The following SLC9C1 variants were observed in gnomAD, a reference collection of about 807,000 sequenced individuals.
SLC9C1 encodes the protein solute carrier family 9 member C1, also known as sodium/hydrogen exchanger 10.
In SLC9C1, 97 loss-of-function variants were observed where a neutral mutation model predicts 140.9. That is an observed-to-expected ratio of 0.69 (90% CI 0.58 to 0.82). The LOEUF is 0.82. Among genes scored for constraint, SLC9C1 ranks in the 40% least tolerant of loss-of-function variants. The probability of loss-of-function intolerance (pLI) is 0.00; values close to 1 mark genes in which losing one functional copy is unlikely to be tolerated. For missense variants in SLC9C1, 1,340 were observed against 1,389.3 expected (o/e 0.96, Z 0.56); for synonymous variants, 440 against 442.6 (o/e 0.99, Z 0.07).
At chr3:112,228,200 G>C (rs866125490) in intron 13 of SLC9C1, among the ~76,000 whole-genome samples, 1 of 152,074 alleles carries the variant, frequency 6.6e-6, no homozygotes, top group Middle Eastern at 3.4e-3. Flanking sequence ...CATAAAAACA[G>C]GCACACAGAC....
At position 112,202,252 on chromosome 3, in the gene SLC9C1, G is replaced by A. The variant is rs2077924073; in HGVS notation, c.2320C>T (p.Gln774Ter). 2 of 1,609,042 alleles carry A rather than the reference G, an allele frequency of 1.2e-6. No individual in the cohort carries two copies. The highest frequency in any genetic ancestry group is 2.7e-5 in the African/African-American group (2 of 74,724). Residue 774 changes from glutamine (Q) to a stop codon, truncating the protein, a stop_gained and splice_region_variant, in exon 18 of 29, where the codon CAG (glutamine) becomes TAG (stop). Coordinates refer to ENST00000305815, the MANE Select transcript of SLC9C1 (RefSeq NM_183061.3). LOFTEE classifies it high-confidence loss of function. ...DQITSSKQIK[Q>*]MLLKQVIRNM... ...CTTAGGATTTAAGGTTTTCTTACCT[G>A]TTTAATCTGTTTAGAACTTGTAATC...
At chr3:112,228,506 G>A (rs1057432328) in intron 13 of SLC9C1, among the ~76,000 whole-genome samples, 1 of 151,900 alleles carries the variant, frequency 6.6e-6, no homozygotes, top group East Asian at 1.9e-4. Flanking sequence ...CAAAAGCACA[G>A]GAAACAAAAG....
chr3:112,282,042 A>G (rs13087080), intron 2 of SLC9C1, among the ~76,000 whole-genome samples: 44,466 of 152,090 alleles, frequency 0.29, 7,050 homozygotes, highest in East Asian at 0.46. Flanking sequence ...AGAAATGACA[A>G]CCAACACCAT....
rs538057801 is a variant in SLC9C1 at position 112,267,886 on chromosome 3, A to C, written c.776-1546T>G. On this transcript the variant is annotated intron_variant, in intron 7 of 28. Transcript: ENST00000305815. ...TATTATAACTTGTTAGGTGATGGTG[A>C]AGTCAGGAAAATATTTATAATGACT... 2.0e-5 allele frequency among the ~76,000 whole-genome samples: 3 copies of C among 152,250 alleles called. No homozygotes were observed. In the South Asian group the frequency reaches 6.2e-4, roughly 32 times the overall value.
intron 27 of SLC9C1, among the ~76,000 whole-genome samples, chr3:112,154,204 A>G (rs1045163398): frequency 6.6e-6 from 1 of 152,228 alleles, no homozygotes; most frequent in African/African-American, 2.4e-5. Flanking sequence ...TTCATAGCAG[A>G]CATTTATCAG....
In SLC9C1 at chr3:112,246,332, C is replaced by T. The variant is rs924372366; in HGVS notation, c.1198-2256G>A. On this transcript the variant is annotated intron_variant, in intron 10 of 28. Transcript: ENST00000305815. ...CACCTTCACCTGCACCATTAAAAAACCTTTAAAGTTTCCTTCAGTTTTGAG... is the reference window on the plus strand; with the variant it reads ...CACCTTCACCTGCACCATTAAAAAATCTTTAAAGTTTCCTTCAGTTTTGAG... Among the ~76,000 whole-genome samples, 6 of 152,078 alleles carry T rather than the reference C, an allele frequency of 3.9e-5. No homozygotes were observed. In the South Asian group the frequency reaches 6.2e-4, roughly 16 times the overall value.
chr3:112,157,574 A>G (rs2075162400), intron 26 of SLC9C1, among the ~76,000 whole-genome samples: 1 of 151,906 alleles, frequency 6.6e-6, no homozygotes, highest in Non-Finnish European at 1.5e-5. Flanking sequence ...TGGTATTTTG[A>G]TAGGCCTTGC....
At chr3:112,147,694 T>C (rs2107842612) in intron 28 of SLC9C1, among the ~76,000 whole-genome samples, 1 of 152,288 alleles carries the variant, frequency 6.6e-6, no homozygotes, top group East Asian at 1.9e-4. Flanking sequence ...TCTACCCTAT[T>C]TCGCTGACTT....
At chr3:112,171,899 C>T (rs2077254219) in intron 23 of SLC9C1, among the ~76,000 whole-genome samples, 1 of 152,076 alleles carries the variant, frequency 6.6e-6, no homozygotes. Flanking sequence ...GATCCTTTGT[C>T]AAAAATCTAT....
chr3:112,281,246 A>C (rs898505786), intron 2 of SLC9C1, among the ~76,000 whole-genome samples: 4 of 152,146 alleles, frequency 2.6e-5, no homozygotes, highest in Non-Finnish European at 5.9e-5. Flanking sequence ...TCCTGTTTTC[A>C]CTAATTCTGG....
chr3:112,190,693 G>A (rs1482660609), intron 20 of SLC9C1, among the ~76,000 whole-genome samples: 2 of 151,808 alleles, frequency 1.3e-5, no homozygotes, highest in Admixed American at 6.6e-5. Context: ...AACATTCATT[G>A]TAAATTTTGT....
intron 13 of SLC9C1, among the ~76,000 whole-genome samples, chr3:112,228,287 C>T (rs1009408152): frequency 9.2e-5 from 14 of 152,032 alleles, no homozygotes; most frequent in Non-Finnish European, 1.3e-4. Context: ...CCATGAGGAA[C>T]GTACACTGGG....
intron 10 of SLC9C1, among the ~76,000 whole-genome samples, chr3:112,251,110 A>G (rs2079443972): frequency 6.6e-6 from 1 of 152,188 alleles, no homozygotes; most frequent in Admixed American, 6.5e-5. Context: ...AGAAGCAGCT[A>G]GTATGCACCT....
chr3:112,155,135 A>C, intron 26 of SLC9C1, 86 bp from the exon 27 acceptor site: 1 of 1,181,556 alleles, frequency 8.5e-7, no homozygotes, highest in Non-Finnish European at 1.2e-6. Context: ...ATTAGATCAG[A>C]TTCAAATCAC....
At chr3:112,195,499 T>G (rs1236325892) in intron 20 of SLC9C1, among the ~76,000 whole-genome samples, 2 of 152,158 alleles carry the variant, frequency 1.3e-5, no homozygotes, top group Non-Finnish European at 2.9e-5. Flanking sequence ...GTATTTTTTT[T>G]GTATAGCTTT....
intron 7 of SLC9C1, 32 bp downstream of exon 7, chr3:112,269,884 G>T (rs377756560): frequency 7.0e-7 from 1 of 1,436,850 alleles, no homozygotes; most frequent in Non-Finnish European, 9.2e-7. Flanking sequence ...TTTTCTATGT[G>T]ATTTTATTTT....
chr3:112,249,351 T>C (rs1309392147), intron 10 of SLC9C1, among the ~76,000 whole-genome samples: 1 of 151,392 alleles, frequency 6.6e-6, no homozygotes, highest in Non-Finnish European at 1.5e-5. Flanking sequence ...ATTGGGTATG[T>C]CAGTATTTTG....
rs2074707501 is a variant in SLC9C1, at chr3:112,143,938, A to C, written c.3525-2657T>G. On this transcript the variant is annotated intron_variant, in intron 28 of 28. Coordinates refer to ENST00000305815, the MANE Select transcript of SLC9C1 (RefSeq NM_183061.3). ...TGGTGAAAGGTAGGGGAAAGAATGAAATAGTTTCAGTTTCATTCTTCTGTA... is the reference window on the plus strand; with the variant it reads ...TGGTGAAAGGTAGGGGAAAGAATGACATAGTTTCAGTTTCATTCTTCTGTA... 3.3e-5 allele frequency among the ~76,000 whole-genome samples: 5 copies of C among 152,066 alleles called. No individual in the cohort carries two copies. The South Asian group carries it at 1.0e-3, about 32-fold the overall frequency.
intron 5 of SLC9C1, among the ~76,000 whole-genome samples, chr3:112,275,795 T>C (rs1216798485): frequency 1.3e-5 from 2 of 152,152 alleles, no homozygotes; most frequent in African/African-American, 2.4e-5. Context: ...TGTGGCTCAA[T>C]TGCCTTGGCC....
Sources: gnomAD v4.1 joint callset for allele counts (sites outside exome capture counted in the v4.1 genomes callset) on GRCh38, gnomAD v4.1.1 for gene constraint, MANE v1.5 for transcripts, NCBI Gene and HGNC (gene_info 2026-07-23, HGNC 2026-07-21) for gene names.